Variants in SUPT3H observed in about 807,000 individuals in gnomAD.
SUPT3H encodes transcription initiation protein SPT3 homolog.
A neutral mutation model predicts 44.3 loss-of-function variants in SUPT3H; 44 were observed. The ratio of observed to expected loss-of-function variants is 0.99; its 90% CI spans 0.78 to 1.28. The LOEUF is 1.28. Ranked by LOEUF, SUPT3H falls within the 50% of genes most tolerant of loss-of-function variation. SUPT3H has a pLI of 0.00. For synonymous variants in SUPT3H, 124 were observed against 125.6 expected (o/e 0.99, Z 0.09); for missense variants, 380 against 387.1 (o/e 0.98, Z 0.15).
In SUPT3H at chr6:45,227,422, A is replaced by T. The variant is rs1023990296; in HGVS notation, c.102-121416T>A. 4.6e-5 allele frequency among the ~76,000 whole-genome samples: 7 copies of T among 152,160 alleles called. No individual in the cohort carries two copies. In the South Asian group the frequency reaches 1.4e-3, roughly 32 times the overall value. On this transcript the variant is annotated intron_variant, in intron 2 of 10. Transcript: ENST00000371459. Reference sequence around the variant, plus strand: ...AATTATGTTTAACTTATTTAACTTAACTGTAGATTTCAGCTTTAAAAATAA... The same window carrying T: ...AATTATGTTTAACTTATTTAACTTATCTGTAGATTTCAGCTTTAAAAATAA...
chr6:45,301,859 C>T (rs930421438), intron 2 of SUPT3H, among the ~76,000 whole-genome samples: 27 of 152,214 alleles, frequency 1.8e-4, no homozygotes, highest in African/African-American at 6.5e-4. Context: ...CTTTCAGTGT[C>T]CTTTAGCAAG....
chr6:45,187,101 T>TAAAAA (rs70996308), intron 2 of SUPT3H, among the ~76,000 whole-genome samples: 4 of 79,842 alleles, frequency 5.0e-5, no homozygotes, highest in African/African-American at 4.7e-5. Context: ...TTTTCGCCTT[T>TAAAAA]AAAAAAAAAA....
chr6:44,811,708 G>C (rs1219133829), intron 11 of SUPT3H, among the ~76,000 whole-genome samples: 1 of 152,216 alleles, frequency 6.6e-6, no homozygotes, highest in East Asian at 1.9e-4. Context: ...ACCAACAGTG[G>C]CTCCCAGCTT....
intron 5 of SUPT3H, among the ~76,000 whole-genome samples, chr6:45,014,355 G>A (rs570805959): frequency 6.6e-6 from 1 of 152,176 alleles, no homozygotes; most frequent in East Asian, 1.9e-4. Context: ...TTAGTGGCAG[G>A]CAGGTATCAA....
chr6:44,924,884 T>A (rs549738796), intron 10 of SUPT3H, among the ~76,000 whole-genome samples: 57 of 152,264 alleles, frequency 3.7e-4, no homozygotes, highest in African/African-American at 1.3e-3. Context: ...CTACCCAATT[T>A]CTACTTGGTA....
intron 2 of SUPT3H, among the ~76,000 whole-genome samples, chr6:45,217,767 G>A (rs1055430822): frequency 3.0e-4 from 46 of 151,996 alleles, no homozygotes; most frequent in Admixed American, 8.5e-4. Context: ...ACGTGTGCCT[G>A]TAGTCCTAGC....
At chr6:44,946,991 C>T (rs1422995501) in intron 9 of SUPT3H, among the ~76,000 whole-genome samples, 1 of 152,152 alleles carries the variant, frequency 6.6e-6, no homozygotes, top group Admixed American at 6.6e-5. Flanking sequence ...CGGCAACCAC[C>T]ACCCTGATCA....
intron 3 of SUPT3H, among the ~76,000 whole-genome samples, chr6:45,021,782 C>T (rs1028944): frequency 0.11 from 17,138 of 151,918 alleles, 1,363 homozygotes; most frequent in East Asian, 0.27. Flanking sequence ...CAAACCTTCT[C>T]TAAATACACA....
intron 3 of SUPT3H, among the ~76,000 whole-genome samples, chr6:45,064,720 T>G (rs1421657886): frequency 7.3e-6 from 1 of 136,156 alleles, no homozygotes; most frequent in Non-Finnish European, 1.6e-5. Context: ...AGAAGGCCAT[T>G]ACATAATGGT....
chr6:45,047,364 T>C (rs1474041938), intron 3 of SUPT3H, among the ~76,000 whole-genome samples: 6 of 152,166 alleles, frequency 3.9e-5, no homozygotes, highest in Admixed American at 2.6e-4. Context: ...CCTGCAACCA[T>C]TTCTTATGTA....
intron 3 of SUPT3H, chr6:45,098,640 A>G: frequency 3.0e-6 from 1 of 332,518 alleles, no homozygotes; most frequent in Non-Finnish European, 5.9e-6. Flanking sequence ...CCAGAAACAG[A>G]TAAGCATCTA....
intron 2 of SUPT3H, among the ~76,000 whole-genome samples, chr6:45,313,169 C>T (rs868810475): frequency 2.6e-5 from 4 of 152,080 alleles, no homozygotes; most frequent in East Asian, 1.9e-4. Context: ...TAGCCCTAAA[C>T]GCCTACATCA....
chr6:44,874,957 C>A (rs372527841), intron 10 of SUPT3H, among the ~76,000 whole-genome samples: 1 of 122,900 alleles, frequency 8.1e-6, no homozygotes, highest in African/African-American at 3.2e-5. Context: ...ATGTGAAGGA[C>A]CTCTTCAAGG....
intron 9 of SUPT3H, among the ~76,000 whole-genome samples, chr6:44,940,173 T>C (rs1189971168): frequency 6.6e-6 from 1 of 152,046 alleles, no homozygotes; most frequent in Non-Finnish European, 1.5e-5. Context: ...TTTTGATATA[T>C]AGGCATTTAA....
At chr6:44,969,629 G>A (rs1306992801) in intron 6 of SUPT3H, among the ~76,000 whole-genome samples, 4 of 151,984 alleles carry the variant, frequency 2.6e-5, no homozygotes, top group Non-Finnish European at 4.4e-5. Context: ...ACACACATAC[G>A]CACACAAAGG....
chr6:45,341,389 C>G (rs1486445212), intron 2 of SUPT3H, among the ~76,000 whole-genome samples: 1 of 152,118 alleles, frequency 6.6e-6, no homozygotes, highest in Non-Finnish European at 1.5e-5. Flanking sequence ...ACAGACTTCT[C>G]CAATCATTCT....
chr6:45,039,511 T>C (rs150681444), intron 3 of SUPT3H, among the ~76,000 whole-genome samples: 44 of 152,212 alleles, frequency 2.9e-4, no homozygotes, highest in African/African-American at 6.0e-4. Context: ...ATACAACTCC[T>C]GGGCCGGGCA....
intron 3 of SUPT3H, among the ~76,000 whole-genome samples, chr6:45,051,708 A>G (rs1443764094): frequency 6.6e-6 from 1 of 152,172 alleles, no homozygotes; most frequent in Non-Finnish European, 1.5e-5. Context: ...ACCAGTGTTG[A>G]GTATTGCCAG....
intron 2 of SUPT3H, among the ~76,000 whole-genome samples, chr6:45,109,346 T>C (rs926436220): frequency 6.6e-6 from 1 of 152,064 alleles, no homozygotes; most frequent in African/African-American, 2.4e-5. Context: ...CGAATGTCAC[T>C]GTTAAAAAAA....
Sources: allele counts gnomAD v4.1 joint callset (sites outside exome capture counted in the v4.1 genomes callset), GRCh38; gene constraint gnomAD v4.1.1; transcripts MANE v1.5; gene names NCBI Gene and HGNC (gene_info 2026-07-23, HGNC 2026-07-21).